The following ARHGEF28 variants were observed in gnomAD, a reference collection of about 807,000 sequenced individuals.
ARHGEF28 encodes the protein Rho guanine nucleotide exchange factor 28.
Under a neutral mutation model 206.6 loss-of-function variants are expected in ARHGEF28, and 152 were observed. That is an observed-to-expected ratio of 0.74 (90% CI 0.64 to 0.84). ARHGEF28 has a LOEUF of 0.84. Among genes scored for constraint, ARHGEF28 ranks in the 40% least tolerant of loss-of-function variants. The pLI is 0.00. For missense variants in ARHGEF28, 2,028 were observed against 2,073.2 expected (o/e 0.98, Z 0.42); for synonymous variants, 763 against 776.4 (o/e 0.98, Z 0.29).
intron 26 of ARHGEF28, among the ~76,000 whole-genome samples, chr5:73,890,197 A>G: frequency 6.6e-6 from 1 of 152,294 alleles, no homozygotes; most frequent in African/African-American, 2.4e-5. Context: ...TGGTGATCGA[A>G]TGAATGCTAC....
At chr5:73,666,342 T>C (rs1291303926) in intron 1 of ARHGEF28, among the ~76,000 whole-genome samples, 1 of 152,216 alleles carries the variant, frequency 6.6e-6, no homozygotes, top group East Asian at 1.9e-4. Context: ...TCTGACAGGT[T>C]GGAGGCTTGT....
intron 2 of ARHGEF28, among the ~76,000 whole-genome samples, chr5:73,736,862 G>T (rs955019338): frequency 2.0e-5 from 3 of 151,894 alleles, no homozygotes; most frequent in Non-Finnish European, 4.4e-5. Context: ...AGGGAGGGAG[G>T]TAGAAGAGGG....
At chr5:73,830,164 T>C (rs566576227) in intron 9 of ARHGEF28, among the ~76,000 whole-genome samples, 2 of 152,312 alleles carry the variant, frequency 1.3e-5, no homozygotes, top group African/African-American at 4.8e-5. Context: ...CAATGTGGGC[T>C]CAGGTCAGAT....
intron 1 of ARHGEF28, among the ~76,000 whole-genome samples, chr5:73,678,901 G>A (rs1230784699): frequency 1.3e-5 from 2 of 152,190 alleles, no homozygotes; most frequent in Middle Eastern, 3.4e-3. Flanking sequence ...TTTGACTAGG[G>A]ACAGGGTCTG....
At chr5:73,930,383 T>A (rs1021344975) in intron 35 of ARHGEF28, among the ~76,000 whole-genome samples, 1 of 152,228 alleles carries the variant, frequency 6.6e-6, no homozygotes, top group Non-Finnish European at 1.5e-5. Context: ...GCTGTTTAGG[T>A]TCCTCCTTCT....
rs1385840931 is a variant in ARHGEF28, at chr5:73,935,439, G to GA, written c.4949-5398dup. Among the ~76,000 whole-genome samples, 6 of 152,140 alleles carry GA rather than the reference G, an allele frequency of 3.9e-5. 1 individual carries two copies. The South Asian group carries it at 8.3e-4, about 21-fold the overall frequency. ...CACATCCTATTTGTGGCTCACTATG[G>GA]AAAAAAATTGAGTTGCACAAAATTA... On this transcript the variant is annotated intron_variant, in intron 35 of 35. Coordinates refer to ENST00000513042, the MANE Select transcript of ARHGEF28 (RefSeq NM_001177693.2).
intron 2 of ARHGEF28, among the ~76,000 whole-genome samples, chr5:73,687,865 A>G (rs986054557): frequency 6.6e-6 from 1 of 152,106 alleles, no homozygotes; most frequent in African/African-American, 2.4e-5. Flanking sequence ...TTTTATCTAT[A>G]TCTCTGTTGA....
intron 9 of ARHGEF28, among the ~76,000 whole-genome samples, chr5:73,821,520 G>C (rs1756585499): frequency 1.3e-5 from 2 of 152,062 alleles, no homozygotes; most frequent in African/African-American, 4.8e-5. Flanking sequence ...AGATTATAGG[G>C]GATCTGACTT....
At chr5:73,692,228 T>C (rs934778702) in intron 2 of ARHGEF28, among the ~76,000 whole-genome samples, 16 of 152,196 alleles carry the variant, frequency 1.1e-4, no homozygotes, top group Non-Finnish European at 2.1e-4. Context: ...AGAATTTGAC[T>C]AATCCGTGGA....
At chr5:73,884,075 G>A (rs2112668726) in intron 24 of ARHGEF28, among the ~76,000 whole-genome samples, 191 bp downstream of exon 24, 1 of 152,288 alleles carries the variant, frequency 6.6e-6, no homozygotes, top group East Asian at 1.9e-4. Context: ...TGGGTAAATA[G>A]TCTGAATTTC....
At chr5:73,850,814 T>C (rs1438173928) in intron 13 of ARHGEF28, among the ~76,000 whole-genome samples, 1 of 152,188 alleles carries the variant, frequency 6.6e-6, no homozygotes, top group East Asian at 1.9e-4. Context: ...CTCAACTGCT[T>C]TGGTTTTCAG....
At chr5:73,800,416 G>T (rs1755061862) in intron 9 of ARHGEF28, among the ~76,000 whole-genome samples, 1 of 152,134 alleles carries the variant, frequency 6.6e-6, no homozygotes, top group African/African-American at 2.4e-5. Flanking sequence ...AATATGTATT[G>T]TTGATTTTAT....
chr5:73,718,888 C>T (rs1008290623), intron 2 of ARHGEF28, among the ~76,000 whole-genome samples: 3 of 152,216 alleles, frequency 2.0e-5, no homozygotes, highest in Non-Finnish European at 2.9e-5. Context: ...AAGCTAAACA[C>T]TATCCTTCCC....
chr5:73,770,951 C>G (rs558083001), intron 4 of ARHGEF28, among the ~76,000 whole-genome samples: 1 of 152,284 alleles, frequency 6.6e-6, no homozygotes, highest in South Asian at 2.1e-4. Context: ...GCAGAACAAG[C>G]TTGGAGAGCT....
intron 1 of ARHGEF28, among the ~76,000 whole-genome samples, chr5:73,648,656 A>G (rs538486230): frequency 1.4e-4 from 22 of 152,314 alleles, no homozygotes; most frequent in Non-Finnish European, 3.2e-4. Flanking sequence ...GCCTTGCATC[A>G]TTGCAGTCAG....
intron 2 of ARHGEF28, among the ~76,000 whole-genome samples, chr5:73,692,465 T>C (rs1053237662): frequency 9.2e-5 from 14 of 152,344 alleles, no homozygotes; most frequent in African/African-American, 3.1e-4. Flanking sequence ...TACTTCGCTA[T>C]TCCCTTAGCA....
intron 2 of ARHGEF28, among the ~76,000 whole-genome samples, chr5:73,748,297 C>T (rs1024254026): frequency 7.2e-5 from 11 of 152,146 alleles, no homozygotes; most frequent in Admixed American, 2.6e-4. Flanking sequence ...CACATACACA[C>T]GCATGCTCAT....
chr5:73,923,068 G>T (rs1014231479), intron 35 of ARHGEF28: 1 of 1,533,326 alleles, frequency 6.5e-7, no homozygotes, highest in Admixed American at 2.0e-5. Flanking sequence ...CTGGTAATGC[G>T]GCCATATTTT....
chr5:73,642,888 G>A (rs573822902), intron 1 of ARHGEF28, among the ~76,000 whole-genome samples: 2 of 152,176 alleles, frequency 1.3e-5, no homozygotes, highest in Non-Finnish European at 2.9e-5. Context: ...AATTGCTGCA[G>A]TCACTGTTAC....
Sources: gnomAD v4.1 joint callset for allele counts (sites outside exome capture counted in the v4.1 genomes callset) on GRCh38, gnomAD v4.1.1 for gene constraint, MANE v1.5 for transcripts, NCBI Gene and HGNC (gene_info 2026-07-23, HGNC 2026-07-21) for gene names.